The following CHST9 variants were observed in gnomAD, a reference collection of about 807,000 sequenced individuals.
CHST9 encodes GalNAc-4-sulfotransferase 2.
Under a neutral mutation model 44.4 loss-of-function variants are expected in CHST9, and 41 were observed. That is an observed-to-expected ratio of 0.92 (90% CI 0.72 to 1.20). CHST9 has a LOEUF of 1.20. Ranked by LOEUF, CHST9 falls within the 50% of genes most tolerant of loss-of-function variation. The pLI is 0.00. For missense variants in CHST9, 504 were observed against 516.5 expected, an observed-to-expected ratio of 0.98 and a Z score of 0.23; for synonymous variants, 171 against 178.4, an observed-to-expected ratio of 0.96 and a Z score of 0.33.
At chr18:26,938,788 C>T (rs200248543) in intron 5 of CHST9, among the ~76,000 whole-genome samples, 4 of 152,288 alleles carry the variant, frequency 2.6e-5, no homozygotes, top group East Asian at 3.9e-4. Flanking sequence ...GACTGTGTGA[C>T]CATTATTCAT....
At chr18:27,118,311 T>A (rs959302681) in intron 2 of CHST9, among the ~76,000 whole-genome samples, 1 of 152,228 alleles carries the variant, frequency 6.6e-6, no homozygotes, top group Non-Finnish European at 1.5e-5. Flanking sequence ...TAGATGTCCT[T>A]GAGAGATATT....
intron 4 of CHST9, among the ~76,000 whole-genome samples, chr18:26,968,058 T>C (rs755317105): frequency 4.6e-5 from 7 of 152,182 alleles, no homozygotes; most frequent in Non-Finnish European, 8.8e-5. Context: ...CTTTCGAGCT[T>C]TGGGGACTTT....
At chr18:26,957,147 G>A (rs183956214) in intron 4 of CHST9, among the ~76,000 whole-genome samples, 3 of 152,284 alleles carry the variant, frequency 2.0e-5, no homozygotes, top group East Asian at 3.9e-4. Flanking sequence ...AACCTGTGGT[G>A]CCTACCTCCA....
chr18:27,174,318 A>C (rs1369291924), intron 1 of CHST9, among the ~76,000 whole-genome samples: 1 of 151,934 alleles, frequency 6.6e-6, no homozygotes, highest in Non-Finnish European at 1.5e-5. Context: ...AGTGAAGAAA[A>C]TCTACCAGTT....
chr18:27,145,808 G>A (rs917141479), intron 1 of CHST9, among the ~76,000 whole-genome samples: 1 of 152,154 alleles, frequency 6.6e-6, no homozygotes, highest in Non-Finnish European at 1.5e-5. Context: ...AGTTCCCGAG[G>A]GAGACTTGCA....
chr18:27,070,542 C>A (rs1460937586), intron 2 of CHST9, among the ~76,000 whole-genome samples: 1 of 152,192 alleles, frequency 6.6e-6, no homozygotes, highest in African/African-American at 2.4e-5. Context: ...GATAGGGTTC[C>A]AATCTATGTT....
intron 4 of CHST9, among the ~76,000 whole-genome samples, chr18:26,968,266 ATATAT>A (rs2056493512): frequency 6.6e-6 from 1 of 152,140 alleles, no homozygotes; most frequent in South Asian, 2.1e-4. Flanking sequence ...ACCAAAAAAG[ATATAT>A]TATATAAGTA....
At chr18:27,007,180 C>A (rs1285517641) in intron 4 of CHST9, among the ~76,000 whole-genome samples, 1 of 152,182 alleles carries the variant, frequency 6.6e-6, no homozygotes, top group Non-Finnish European at 1.5e-5. Context: ...GCTTAAGTAT[C>A]CCTTTCAATT....
intron 5 of CHST9, among the ~76,000 whole-genome samples, chr18:26,941,298 C>T (rs1296991672): frequency 6.6e-6 from 1 of 152,112 alleles, no homozygotes; most frequent in Admixed American, 6.5e-5. Flanking sequence ...TTCGGTGTTC[C>T]TCTTTGTTAT....
chr18:27,082,385 T>C (rs925782238), intron 2 of CHST9, among the ~76,000 whole-genome samples: 4 of 152,164 alleles, frequency 2.6e-5, no homozygotes, highest in Admixed American at 6.6e-5. Context: ...AAACATACAA[T>C]GTACAGATTA....
At chr18:26,943,439 T>C (rs2056114348) in intron 5 of CHST9, among the ~76,000 whole-genome samples, 1 of 152,122 alleles carries the variant, frequency 6.6e-6, no homozygotes, top group Admixed American at 6.5e-5. Flanking sequence ...ACTTAGAAGG[T>C]TGAAAAATGC....
chr18:27,139,463 T>C (rs903050673), intron 2 of CHST9, among the ~76,000 whole-genome samples: 62 of 145,658 alleles, frequency 4.3e-4, no homozygotes, highest in African/African-American at 1.5e-3. Context: ...AAATGCCTAA[T>C]GCTCCTGATG....
At chr18:26,989,848 G>T (rs1173314423) in intron 4 of CHST9, among the ~76,000 whole-genome samples, 13 of 152,138 alleles carry the variant, frequency 8.5e-5, no homozygotes, top group Non-Finnish European at 1.6e-4. Flanking sequence ...TACTCAGGAG[G>T]CTGAGGCACA....
At chr18:26,991,223 G>A (rs955690665) in intron 4 of CHST9, among the ~76,000 whole-genome samples, 3 of 152,146 alleles carry the variant, frequency 2.0e-5, no homozygotes, top group African/African-American at 4.8e-5. Context: ...CAGTAGCAGC[G>A]ACAATGGGGA....
chr18:27,090,230 T>C (rs1598715618), intron 2 of CHST9, among the ~76,000 whole-genome samples: 2 of 152,352 alleles, frequency 1.3e-5, no homozygotes, highest in South Asian at 4.1e-4. Context: ...GTCTGTTGGC[T>C]GCATAGATAT....
intron 1 of CHST9, among the ~76,000 whole-genome samples, chr18:27,175,828 C>T (rs117857087): frequency 6.6e-6 from 1 of 151,824 alleles, no homozygotes; most frequent in East Asian, 1.9e-4. Context: ...CCTATCTTAG[C>T]GGTTAATTAA....
rs797002367 is a variant in CHST9 at position 26,935,920 on chromosome 18, T to A, written c.240+8409A>T. 5.1e-4 allele frequency: 77 copies of A among 152,298 alleles called. 1 individual carries two copies. The highest frequency in any genetic ancestry group is 1.9e-3 in the African/African-American group (77 of 41,580). The allele number at this position is 152,298 out of a possible 1,614,324, so 9.4% of individuals were successfully genotyped here. A position where few individuals can be genotyped will look rare whatever the true frequency, so the allele number is the denominator to read the frequency against. ...GCTACTTTGTCAAATAAAGCTTAAATAAAATTGGTTTCAATTTATGCATAA... is the reference window on the plus strand; with the variant it reads ...GCTACTTTGTCAAATAAAGCTTAAAAAAAATTGGTTTCAATTTATGCATAA... On this transcript the variant is annotated intron_variant, in intron 5 of 5. Coordinates refer to ENST00000618847, the MANE Select transcript of CHST9 (RefSeq NM_031422.6).
chr18:27,071,236 T>C (rs2057836653), intron 2 of CHST9, among the ~76,000 whole-genome samples: 1 of 152,202 alleles, frequency 6.6e-6, no homozygotes, highest in Non-Finnish European at 1.5e-5. Context: ...TCTGAAATAG[T>C]CTTCCTCTTT....
intron 5 of CHST9, among the ~76,000 whole-genome samples, chr18:26,917,875 A>ATTT (rs11464748): frequency 5.3e-5 from 8 of 150,276 alleles, no homozygotes; most frequent in East Asian, 1.9e-4. Flanking sequence ...AAAATCATGT[A>ATTT]TTTTTTTTTT....
Sources: gnomAD v4.1 joint callset for allele counts (sites outside exome capture counted in the v4.1 genomes callset) on GRCh38, gnomAD v4.1.1 for gene constraint, MANE v1.5 for transcripts, NCBI Gene and HGNC (gene_info 2026-07-23, HGNC 2026-07-21) for gene names.